The following FRMD6 variants were observed in gnomAD, a reference collection of about 807,000 sequenced individuals.
The protein encoded by FRMD6 is FERM domain containing 6, also known as FERM domain-containing protein 6.
In FRMD6, 37 loss-of-function variants were observed where a neutral mutation model predicts 73.2. The observed-to-expected ratio is 0.51, with a 90% CI of 0.39 to 0.66. The LOEUF is 0.66. FRMD6 is among the 30% of genes least tolerant of loss of function. The probability of loss-of-function intolerance (pLI) is 0.00; values close to 1 mark genes in which losing one functional copy is unlikely to be tolerated. For synonymous variants in FRMD6, 273 were observed against 282.2 expected (o/e 0.97, Z 0.33); for missense variants, 714 against 780.5 (o/e 0.91, Z 1.02).
At chr14:51,712,029 C>G (rs1226266055) in intron 8 of FRMD6, among the ~76,000 whole-genome samples, 1 of 152,152 alleles carries the variant, frequency 6.6e-6, no homozygotes, top group African/African-American at 2.4e-5. Flanking sequence ...AAACTTACCC[C>G]TTAAATAAGT....
chr14:51,638,980 G>A (rs186474083), intron 2 of FRMD6, among the ~76,000 whole-genome samples: 1 of 99,480 alleles, frequency 1.0e-5, no homozygotes, highest in East Asian at 2.2e-4. Flanking sequence ...TTCTTCTCCC[G>A]GTTTTCTGAT....
the FRMD6 span, among the ~76,000 whole-genome samples, chr14:51,447,215 G>A: frequency 6.6e-6 from 1 of 152,150 alleles, no homozygotes; most frequent in Non-Finnish European, 1.5e-5. Flanking sequence ...CCACTCTGGG[G>A]TGCGGGGAGA....
At chr14:51,485,280 A>G (rs1310586926), upstream of FRMD6, among the ~76,000 whole-genome samples, 2 of 152,164 alleles carry the variant, frequency 1.3e-5, no homozygotes, top group African/African-American at 2.4e-5. Flanking sequence ...TGCTGGTCAC[A>G]TGGGTTTCTT....
the FRMD6 span, among the ~76,000 whole-genome samples, chr14:51,412,320 C>T: frequency 1.3e-5 from 2 of 152,030 alleles, no homozygotes; most frequent in Non-Finnish European, 2.9e-5. Context: ...GACTGTCATT[C>T]GAGAAAAATG....
intron 2 of FRMD6, among the ~76,000 whole-genome samples, chr14:51,588,185 C>T (rs1484705784): frequency 6.6e-6 from 1 of 151,978 alleles, no homozygotes; most frequent in East Asian, 1.9e-4. Flanking sequence ...AAGCATTTCC[C>T]CCCCTCCCAA....
the FRMD6 span, among the ~76,000 whole-genome samples, chr14:51,414,773 CT>C: frequency 6.6e-6 from 1 of 152,182 alleles, no homozygotes; most frequent in Non-Finnish European, 1.5e-5. Context: ...GATATTGATT[CT>C]TCCTATCCAT....
At chr14:51,452,841 A>C in the FRMD6 span, among the ~76,000 whole-genome samples, 6 of 152,322 alleles carry the variant, frequency 3.9e-5, no homozygotes, top group South Asian at 1.2e-3. Flanking sequence ...TCAAAGCATG[A>C]GCAGTCATTA....
chr14:51,575,700 G>A (rs1888364828), intron 2 of FRMD6: 1 of 152,210 alleles, frequency 6.6e-6, no homozygotes, highest in Non-Finnish European at 1.5e-5. Context: ...CTACGCTGCA[G>A]TGCTTTCAGC....
intron 2 of FRMD6, among the ~76,000 whole-genome samples, chr14:51,617,811 CCTGTTTCACTAT>C (rs1446345748): frequency 6.6e-6 from 1 of 152,052 alleles, no homozygotes; most frequent in East Asian, 1.9e-4. Context: ...CTTCTTTAAA[CCTGTTTCACTAT>C]CTGTAGAAGG....
chr14:51,545,784 A>T (rs918390533), intron 1 of FRMD6, among the ~76,000 whole-genome samples: 1 of 152,192 alleles, frequency 6.6e-6, no homozygotes, highest in Non-Finnish European at 1.5e-5. Context: ...TCAAATTGAT[A>T]AATCATCTAT....
intron 10 of FRMD6, among the ~76,000 whole-genome samples, chr14:51,719,716 G>A (rs1423118799): frequency 6.6e-6 from 1 of 152,180 alleles, no homozygotes; most frequent in African/African-American, 2.4e-5. Context: ...AGCTCTGGAA[G>A]TTTCTAAATG....
chr14:51,608,787 C>A (rs1359932180), intron 2 of FRMD6, among the ~76,000 whole-genome samples: 1 of 152,118 alleles, frequency 6.6e-6, no homozygotes, highest in South Asian at 2.1e-4. Context: ...TACACATGTA[C>A]GTTAGTGCAC....
chr14:51,563,389 G>C (rs2139525494), intron 1 of FRMD6, among the ~76,000 whole-genome samples: 1 of 152,326 alleles, frequency 6.6e-6, no homozygotes, highest in African/African-American at 2.4e-5. Flanking sequence ...AGCTACTGTG[G>C]CCGGGCGTGG....
chr14:51,724,202 A>G (rs1897812041), intron 12 of FRMD6: 1 of 151,946 alleles, frequency 6.6e-6, no homozygotes. Context: ...GAAGTGTTCC[A>G]TATCTTTAAA....
chr14:51,713,339 TCC>T (rs1897053109), intron 9 of FRMD6, among the ~76,000 whole-genome samples: 1 of 151,568 alleles, frequency 6.6e-6, no homozygotes, highest in South Asian at 2.1e-4. Flanking sequence ...GCACCTGTAA[TCC>T]CAGCTACTCA....
intron 9 of FRMD6, chr14:51,714,664 GCTCT>G (rs1016168797): frequency 2.0e-5 from 3 of 152,104 alleles, no homozygotes; most frequent in Non-Finnish European, 2.9e-5. Flanking sequence ...CCAACTACCA[GCTCT>G]CTCTATGTTT....
At chr14:51,621,835 G>A (rs1418198240) in intron 2 of FRMD6, among the ~76,000 whole-genome samples, 1 of 152,284 alleles carries the variant, frequency 6.6e-6, no homozygotes, top group Non-Finnish European at 1.5e-5. Flanking sequence ...AAGCCAGTGA[G>A]GGTACTAAAA....
chr14:51,497,230 A>G (rs1029308996), intron 1 of FRMD6, among the ~76,000 whole-genome samples: 5 of 150,332 alleles, frequency 3.3e-5, no homozygotes, highest in African/African-American at 1.2e-4. Context: ...ATCTTCTGAA[A>G]TAACTTTTTT....
rs1897182910 is a variant in FRMD6, at chr14:51,715,400, C to T, written c.925C>T (p.Arg309Cys). 3 of 1,613,556 alleles carry T rather than the reference C, an allele frequency of 1.9e-6. No homozygotes were observed. Among genetic ancestry groups the T allele is most frequent in the East Asian group, 4.5e-5 (2 of 44,862 alleles). The stretch of plus-strand genomic sequence containing the variant: ...CATATACTACACGGGGTGCCCCATG[C>T]GCTCCAGACACCTCCTGCAACTTCT... ...KLIYYTGCPM[R>C]SRHLLQLLSN... Residue 309 changes from arginine (R) to cysteine (C), a missense_variant, in exon 10 of 14, where the codon CGC becomes TGC. Arg to Cys is a radical substitution (Grantham distance 180). Coordinates refer to ENST00000344768, the MANE Select transcript of FRMD6 (RefSeq NM_001267046.2).
Sources: gnomAD v4.1 joint callset for allele counts (sites outside exome capture counted in the v4.1 genomes callset) on GRCh38, gnomAD v4.1.1 for gene constraint, MANE v1.5 for transcripts, NCBI Gene and HGNC (gene_info 2026-07-23, HGNC 2026-07-21) for gene names.